PTPRD: variants seen among roughly 807,000 people sequenced by gnomAD.
PTPRD encodes the protein receptor-type tyrosine-protein phosphatase delta.
A neutral mutation model predicts 214.5 loss-of-function variants in PTPRD; 34 were observed. That is an observed-to-expected ratio of 0.16 (90% CI 0.12 to 0.21). The LOEUF is 0.21. Among genes scored for constraint, PTPRD ranks in the 10% least tolerant of loss-of-function variants. PTPRD has a pLI of 1.00. For missense variants in PTPRD, 2,545 were observed against 2,398.7 expected, an observed-to-expected ratio of 1.06 and a Z score of -1.27; for synonymous variants, 1,128 against 845.7, an observed-to-expected ratio of 1.33 and a Z score of -5.79.
chr9:9,797,856 T>C (rs28567677), intron 5 of PTPRD, among the ~76,000 whole-genome samples: 2 of 151,404 alleles, frequency 1.3e-5, no homozygotes, highest in Non-Finnish European at 3.0e-5. Context: ...CTCAAAAAAA[T>C]AAAAAATAAA....
At chr9:9,328,967 G>C (rs1282987838) in intron 9 of PTPRD, among the ~76,000 whole-genome samples, 1 of 151,996 alleles carries the variant, frequency 6.6e-6, no homozygotes, top group Non-Finnish European at 1.5e-5. Context: ...AAGTGATAAG[G>C]AGTGAAACTT....
At chr9:9,745,757 A>G (rs1175912303) in intron 6 of PTPRD, among the ~76,000 whole-genome samples, 5 of 152,036 alleles carry the variant, frequency 3.3e-5, no homozygotes, top group Non-Finnish European at 7.4e-5. Context: ...TACTCTAGCT[A>G]CACAGGACAT....
At chr9:9,094,674 T>C (rs1169206089) in intron 10 of PTPRD, among the ~76,000 whole-genome samples, 1 of 152,000 alleles carries the variant, frequency 6.6e-6, no homozygotes, top group Non-Finnish European at 1.5e-5. Context: ...ACTATTGGAA[T>C]AAAAAACTAA....
At chr9:8,988,728 G>C (rs921907611) in intron 11 of PTPRD, among the ~76,000 whole-genome samples, 4 of 152,022 alleles carry the variant, frequency 2.6e-5, no homozygotes, top group Admixed American at 2.6e-4. Context: ...ATTAAATTTT[G>C]CTCCTGTGTC....
chr9:9,633,176 T>C (rs1037611947), intron 7 of PTPRD, among the ~76,000 whole-genome samples: 17 of 151,988 alleles, frequency 1.1e-4, no homozygotes, highest in African/African-American at 4.1e-4. Flanking sequence ...GCGCCTGTAA[T>C]TCCAGCTACT....
intron 12 of PTPRD, among the ~76,000 whole-genome samples, chr9:8,637,260 C>A (rs1021130213): frequency 6.6e-6 from 1 of 152,192 alleles, no homozygotes; most frequent in Non-Finnish European, 1.5e-5. Context: ...AGCATTGCCA[C>A]TGCTGAGCTA....
At chr9:9,071,964 T>C (rs560071863) in intron 10 of PTPRD, among the ~76,000 whole-genome samples, 44 of 152,178 alleles carry the variant, frequency 2.9e-4, no homozygotes, top group Non-Finnish European at 5.7e-4. Context: ...TTTTGCAGTC[T>C]TGCTTCACAC....
intron 14 of PTPRD, among the ~76,000 whole-genome samples, chr9:8,566,402 T>C (rs1054613497): frequency 2.5e-4 from 38 of 152,282 alleles, no homozygotes; most frequent in African/African-American, 8.7e-4. Flanking sequence ...ACATCCCTTA[T>C]TTGGCTGTTT....
chr9:9,129,580 A>G (rs868306661), intron 10 of PTPRD, among the ~76,000 whole-genome samples: 39 of 152,238 alleles, frequency 2.6e-4, no homozygotes, highest in Admixed American at 5.9e-4. Context: ...CCAGATTTAC[A>G]AATTTTATAT....
At chr9:8,693,165 T>A (rs755423313) in intron 12 of PTPRD, among the ~76,000 whole-genome samples, 83 of 152,314 alleles carry the variant, frequency 5.4e-4, no homozygotes, top group Non-Finnish European at 7.2e-4. Flanking sequence ...AGTTTCACAG[T>A]TTTTTCCACT....
At chr9:10,038,430 A>C (rs190872032) in intron 3 of PTPRD, among the ~76,000 whole-genome samples, 3 of 152,228 alleles carry the variant, frequency 2.0e-5, no homozygotes, top group Admixed American at 1.3e-4. Flanking sequence ...TATTCTATTA[A>C]TTTGATTTTG....
intron 5 of PTPRD, among the ~76,000 whole-genome samples, chr9:9,905,977 T>G (rs2077475239): frequency 6.6e-6 from 1 of 151,912 alleles, no homozygotes; most frequent in Non-Finnish European, 1.5e-5. Context: ...AGATAAAATT[T>G]TAAGCCAGAT....
At chr9:8,342,037 T>C in intron 39 of PTPRD, 59 bp from the exon 40 acceptor site, 1 of 1,455,234 alleles carries the variant, frequency 6.9e-7, no homozygotes, top group East Asian at 2.5e-5. Flanking sequence ...CAATACATAA[T>C]AAAAGTATTT....
In PTPRD at chr9:8,704,703, C is replaced by T. The variant is rs79252716; in HGVS notation, c.64+29077G>A. On this transcript the variant is annotated intron_variant, in intron 12 of 45. Transcript: ENST00000381196. ...AGATGGTAAAAAGAAATGAGGCGAG[C>T]GGATCACGAGGTCAGGAGTCGAAGA... Among the ~76,000 whole-genome samples the T allele has an allele frequency of 5.2e-3, 779 of 150,672 alleles. 8 individuals are homozygous for T. Among genetic ancestry groups the T allele is most frequent in the African/African-American group, 0.018 (732 of 41,040 alleles).
chr9:9,282,090 C>G (rs1028855791), intron 9 of PTPRD, among the ~76,000 whole-genome samples: 1 of 147,244 alleles, frequency 6.8e-6, no homozygotes, highest in Admixed American at 6.9e-5. Flanking sequence ...CAATAGTTAC[C>G]CAGAGTAAGG....
At chr9:9,314,756 T>C (rs1251903152) in intron 9 of PTPRD, among the ~76,000 whole-genome samples, 1 of 152,120 alleles carries the variant, frequency 6.6e-6, no homozygotes, top group Admixed American at 6.5e-5. Context: ...GTTTTTATTT[T>C]CATTCTCTAA....
At chr9:9,946,567 C>T (rs150439175) in intron 4 of PTPRD, among the ~76,000 whole-genome samples, 27 of 151,778 alleles carry the variant, frequency 1.8e-4, no homozygotes, top group African/African-American at 4.4e-4. Flanking sequence ...TGGATCTTAC[C>T]GAGGCACACT....
chr9:8,797,362 T>C (rs928550649), intron 11 of PTPRD, among the ~76,000 whole-genome samples: 1 of 152,210 alleles, frequency 6.6e-6, no homozygotes, highest in East Asian at 1.9e-4. Flanking sequence ...TACCAAACTC[T>C]TCCACCATCA....
At chr9:9,019,317 A>AAAGAAAGAAAGAAAGAAAGAAAGAAAGG (rs1569429062) in intron 10 of PTPRD, among the ~76,000 whole-genome samples, 32 of 116,946 alleles carry the variant, frequency 2.7e-4, no homozygotes, top group South Asian at 6.8e-4. Flanking sequence ...AGAAAGAAAG[A>AAAGAAAGAAAGAAAGAAAGAAAGAAAGG]AAGAAAGAAA....
Sources: allele counts gnomAD v4.1 joint callset (sites outside exome capture counted in the v4.1 genomes callset), GRCh38; gene constraint gnomAD v4.1.1; transcripts MANE v1.5; gene names NCBI Gene and HGNC (gene_info 2026-07-23, HGNC 2026-07-21).